Variants in FAM217A observed in about 807,000 individuals in gnomAD.
The protein encoded by FAM217A is family with sequence similarity 217 member A.
In FAM217A, 13 loss-of-function variants were observed where a neutral mutation model predicts 18.5. That is an observed-to-expected ratio of 0.70 (90% confidence interval 0.46 to 1.12). The LOEUF (loss-of-function observed/expected upper bound fraction) is 1.12. Among genes scored for constraint, FAM217A ranks in the 50% most tolerant of loss-of-function variants. The pLI is 0.00. For synonymous variants in FAM217A, 161 were observed against 202.8 expected, an observed-to-expected ratio of 0.79 and a Z score of 1.75; for missense variants, 560 against 575.4, an observed-to-expected ratio of 0.97 and a Z score of 0.27.
chr6:4,070,236 T>A (rs1367656468), intron 6 of FAM217A, among the ~76,000 whole-genome samples: 2 of 152,218 alleles, frequency 1.3e-5, no homozygotes, highest in Non-Finnish European at 2.9e-5. Flanking sequence ...TAACTATATG[T>A]TTGTCTATAG....
chr6:4,079,968 ATCTC>A (rs10537375), upstream of FAM217A, among the ~76,000 whole-genome samples: 36,065 of 146,268 alleles, frequency 0.25, 5,233 homozygotes, highest in African/African-American at 0.4. Context: ...TGGGGGAAGA[ATCTC>A]TCTCTATCTA....
In FAM217A at chr6:4,069,523, C is replaced by T. The variant is rs1441303511; in HGVS notation, c.700G>A (p.Val234Ile). The T allele has an allele frequency of 6.2e-7, 1 of 1,614,152 alleles. No homozygotes were observed. The highest frequency in any genetic ancestry group is 1.7e-5 in the Admixed American group (1 of 60,024). ...LNLKPETIKN[V>I]EEPFTEEPNE... Reference sequence around the variant, plus strand: ...GGCTCCTCGGTGAAAGGTTCCTCAACATTTTTTATTGTTTCTGGCTTCAAG... The same window carrying T: ...GGCTCCTCGGTGAAAGGTTCCTCAATATTTTTTATTGTTTCTGGCTTCAAG... Residue 234 changes from valine to isoleucine, a missense_variant, in exon 7 of 7, where the codon GTT (valine) becomes ATT (isoleucine). Val to Ile is a conservative substitution (Grantham distance 29, BLOSUM62 3). Transcript: ENST00000274673.
chr6:4,077,237 T>TA, intron 2 of FAM217A, 118 bp downstream of exon 2: 1 of 954,710 alleles, frequency 1.0e-6, no homozygotes, highest in Non-Finnish European at 1.6e-6. Context: ...AAACACAGGA[T>TA]AAACTGCCCA....
chr6:4,080,673 TCC>T (rs1770228965), upstream of FAM217A, among the ~76,000 whole-genome samples: 1 of 152,180 alleles, frequency 6.6e-6, no homozygotes, highest in South Asian at 2.1e-4. Context: ...TCTGCAGCCA[TCC>T]CTTAGGTATC....
chr6:4,071,651 C>T (rs1769423039), intron 6 of FAM217A, among the ~76,000 whole-genome samples: 1 of 152,176 alleles, frequency 6.6e-6, no homozygotes, highest in Admixed American at 6.5e-5. Flanking sequence ...GACCACTTAC[C>T]TTGAAATACT....
At chr6:4,075,322 A>G (rs1769708090) in intron 2 of FAM217A, among the ~76,000 whole-genome samples, 1 of 152,192 alleles carries the variant, frequency 6.6e-6, no homozygotes, top group Non-Finnish European at 1.5e-5. Context: ...CCACAGAGTG[A>G]GACTCTGTCT....
upstream of FAM217A, chr6:4,079,590 G>A (rs1484815481): frequency 7.8e-7 from 1 of 1,287,252 alleles, no homozygotes; most frequent in Non-Finnish European, 1.0e-6. Context: ...CCGCGACATG[G>A]CCAGTGGGCC....
Position 4,068,991 on chromosome 6 carries a change from C to T in FAM217A, c.1232G>A (p.Cys411Tyr). ...AGTAGGTTTGAATGAGAGTTCTTGG[C>T]ATGGACTTAAAATAGAACTTTTGGG... ...KNPKSSILSP[C>Y]QELSFKPTIG... Residue 411 changes from cysteine to tyrosine, a missense_variant, in exon 7 of 7, where the codon TGC becomes TAC. Cys to Tyr is a radical substitution (Grantham distance 194). Transcript: ENST00000274673. 7 of 1,614,006 alleles carry T rather than the reference C, an allele frequency of 4.3e-6. No individual in the cohort carries two copies. Among genetic ancestry groups the T allele is most frequent in the South Asian group, 1.1e-5 (1 of 91,016 alleles).
chr6:4,074,730 G>A, intron 2 of FAM217A, 69 bp from the exon 3 acceptor site: 1 of 1,169,052 alleles, frequency 8.6e-7, no homozygotes, highest in Non-Finnish European at 1.3e-6. Flanking sequence ...AATTTCACAT[G>A]TTCTTGGGGT....
At chr6:4,071,249 T>C (rs1769393179) in intron 6 of FAM217A, among the ~76,000 whole-genome samples, 1 of 152,200 alleles carries the variant, frequency 6.6e-6, no homozygotes, top group South Asian at 2.1e-4. Context: ...AGAGAATTTA[T>C]ATGAATATGC....
intron 1 of FAM217A, among the ~76,000 whole-genome samples, chr6:4,085,263 G>A (rs1561933294): frequency 2.7e-5 from 4 of 149,756 alleles, no homozygotes; most frequent in African/African-American, 9.8e-5. Context: ...TATAATTAGA[G>A]AAAATGAATG....
chr6:4,076,317 A>AGAC (rs1769790924), intron 2 of FAM217A, among the ~76,000 whole-genome samples: 1 of 141,414 alleles, frequency 7.1e-6, no homozygotes, highest in Non-Finnish European at 1.5e-5. Context: ...TGACAGAGTG[A>AGAC]GACTCCGTCT....
chr6:4,068,750 C>A lies in FAM217A; in HGVS notation c.1473G>T (p.Leu491Phe). The A allele has an allele frequency of 6.2e-7, 1 of 1,612,798 alleles. No homozygotes were observed. The highest frequency in any genetic ancestry group is 8.5e-7 in the Non-Finnish European group (1 of 1,179,704). ...TATCCTTAGCAATAAGGGAAGGCGA[C>A]AAACAGTTTAGCTTCTGAATAGAGA... ...RPFSIQKLNCLSPSLIAKDKC... is the reference protein window; with the variant it reads ...RPFSIQKLNCFSPSLIAKDKC... Residue 491 changes from leucine (L) to phenylalanine (F), a missense_variant, in exon 7 of 7, where the codon TTG (leucine) becomes TTT (phenylalanine). Leu to Phe is a conservative substitution (Grantham distance 22, BLOSUM62 0). Coordinates refer to ENST00000274673, the MANE Select transcript of FAM217A (RefSeq NM_173563.3).
chr6:4,082,927 C>T (rs750268617), upstream of FAM217A, among the ~76,000 whole-genome samples: 15 of 152,336 alleles, frequency 9.8e-5, no homozygotes, highest in South Asian at 1.5e-3. Flanking sequence ...CAGGCCACCA[C>T]GCCTGGCTAA....
At position 4,068,860 on chromosome 6, in the gene FAM217A, G is replaced by C. The variant is rs200799506; in HGVS notation, c.1363C>G (p.Gln455Glu). The change falls in exon 7 of 7, where the codon CAG becomes GAG. Residue 455 changes from glutamine to glutamate, a missense_variant. Transcript: ENST00000274673. ...SPIPLTFPEN[Q>E]KEEIKAPKRN... ...TTCGGTGCCTTAATTTCTTCCTTCT[G>C]ATTTTCGGGAAAAGTCAGAGGTATA... is the stretch of plus-strand genomic sequence containing the variant. 2.4e-5 allele frequency: 39 copies of C among 1,614,000 alleles called. No homozygotes were observed. The highest frequency in any genetic ancestry group is 3.2e-5 in the Non-Finnish European group (38 of 1,180,016).
chr6:4,085,983 T>C (rs749284390), intron 1 of FAM217A, among the ~76,000 whole-genome samples: 1 of 151,774 alleles, frequency 6.6e-6, no homozygotes, highest in Non-Finnish European at 1.5e-5. Context: ...GGCGTAGTGA[T>C]GCACACCTAT....
chr6:4,071,437 C>T (rs559929998), intron 6 of FAM217A, among the ~76,000 whole-genome samples: 3 of 152,236 alleles, frequency 2.0e-5, no homozygotes, highest in South Asian at 4.2e-4. Flanking sequence ...GTCCTCACAG[C>T]CTCATGAGAT....
chr6:4,079,929 A>G (rs1186956047), upstream of FAM217A, among the ~76,000 whole-genome samples: 2 of 151,828 alleles, frequency 1.3e-5, no homozygotes, highest in East Asian at 1.9e-4. Context: ...CATATCTCCT[A>G]TTACAGCTTC....
chr6:4,074,385 T>C, intron 4 of FAM217A, 58 bp downstream of exon 4: 1 of 1,435,088 alleles, frequency 7.0e-7, no homozygotes, highest in Admixed American at 2.2e-5. Context: ...TTAAAGAACA[T>C]ACTTATTTTA....
Sources: gnomAD v4.1 joint callset for allele counts (sites outside exome capture counted in the v4.1 genomes callset) on GRCh38, gnomAD v4.1.1 for gene constraint, MANE v1.5 for transcripts, NCBI Gene and HGNC (gene_info 2026-07-23, HGNC 2026-07-21) for gene names.